Variants in IK observed in about 807,000 individuals in gnomAD.
IK encodes IK cytokine.
In IK, 47 loss-of-function variants were observed where a neutral mutation model predicts 90.9. The ratio of observed to expected loss-of-function variants is 0.52; its 90% CI spans 0.41 to 0.66. IK has a LOEUF of 0.66. Among genes scored for constraint, IK ranks in the 30% least tolerant of loss-of-function variants. The probability of loss-of-function intolerance (pLI) is 0.00; values close to 1 mark genes in which losing one functional copy is unlikely to be tolerated. For synonymous variants in IK, 201 were observed against 227.5 expected, an observed-to-expected ratio of 0.88 and a Z score of 1.05; for missense variants, 385 against 709.3, an observed-to-expected ratio of 0.54 and a Z score of 5.19.
chr5:140,650,081 C>G (rs188949653), intron 2 of IK, among the ~76,000 whole-genome samples: 2 of 152,118 alleles, frequency 1.3e-5, no homozygotes, highest in African/African-American at 4.8e-5. Context: ...AGGACTCATC[C>G]GTGGCCTGCT....
Position 140,661,558 on chromosome 5 carries a change from C to G in IK, c.1414-62C>G, listed in dbSNP as rs1040561601. 1.7e-5 allele frequency: 19 copies of G among 1,145,342 alleles called. No individual in the cohort carries two copies. In the African/African-American group the frequency reaches 2.9e-4, roughly 18 times the overall value. The allele number at this position is 1,145,342 out of a possible 1,614,324, so 70.9% of individuals were successfully genotyped here. A position where few individuals can be genotyped will look rare whatever the true frequency, so the allele number is the denominator to read the frequency against. ...GGGAGAGTCTGGCTTCAATCAAGGG[C>G]TGAAATTCCATTTCCACTGACATCT... On this transcript the variant is annotated intron_variant, in intron 16 of 19. Coordinates refer to ENST00000417647, the MANE Select transcript of IK (RefSeq NM_006083.4). The surrounding 1 kb of genome is among the most constrained non-coding windows in gnomAD (Gnocchi z 4.2).
chr5:140,652,727 T>A (rs1757636775), intron 4 of IK, among the ~76,000 whole-genome samples: 1 of 152,150 alleles, frequency 6.6e-6, no homozygotes. Flanking sequence ...TTGGGTGGTA[T>A]TAAAAAGTTC....
intron 4 of IK, among the ~76,000 whole-genome samples, chr5:140,652,576 G>A (rs1757633383): frequency 6.6e-6 from 1 of 152,118 alleles, no homozygotes; most frequent in Admixed American, 6.5e-5. Flanking sequence ...TCAGGACCTG[G>A]TACTTGGCTT....
At position 140,648,007 on chromosome 5, in the gene IK, GGTGT is replaced by G. The variant is rs762057029; in HGVS notation, c.16+118_16+121del. ...TATTGTAGCTTCTGAGCTTAAGCCGGGTGTGTGTGTGTGTGTGTGTGTGTGTGTG... is the reference window on the plus strand; with the variant it reads ...TATTGTAGCTTCTGAGCTTAAGCCGGGTGTGTGTGTGTGTGTGTGTGTGTG... On this transcript the variant is annotated intron_variant, in intron 1 of 19. Transcript: ENST00000417647. 2.2e-3 allele frequency: 2,040 copies of G among 930,514 alleles called. 3 individuals are homozygous for G. Among genetic ancestry groups the G allele is most frequent in the African/African-American group, 0.012 (693 of 57,230 alleles). 57.6% of individuals were successfully genotyped at this position (930,514 alleles called of 1,614,324 possible).
At chr5:140,656,432 G>T (rs187869974) in intron 9 of IK, among the ~76,000 whole-genome samples, 3 of 152,092 alleles carry the variant, frequency 2.0e-5, no homozygotes, top group Non-Finnish European at 4.4e-5. Context: ...TGATCCATCC[G>T]CCTTGGCCTC....
chr5:140,648,377 T>C, intron 1 of IK, 94 bp from the exon 2 acceptor site: 1 of 1,099,778 alleles, frequency 9.1e-7, no homozygotes, highest in Admixed American at 1.7e-5. Flanking sequence ...TGTTCTAACT[T>C]TTGTTCTGTA....
At position 140,660,289 on chromosome 5, in the gene IK, CTTCT is replaced by C. The variant is rs540918586; in HGVS notation, c.1355+97_1355+100del. 85 of 282,754 alleles carry C rather than the reference CTTCT, an allele frequency of 3.0e-4. 1 individual carries two copies. Among genetic ancestry groups the C allele is most frequent in the Non-Finnish European group, 4.1e-4 (67 of 162,210 alleles). 17.5% of individuals were successfully genotyped at this position (282,754 alleles called of 1,614,324 possible). A position where few individuals can be genotyped will look rare whatever the true frequency, so the allele number is the denominator to read the frequency against. On this transcript the variant is annotated intron_variant, in intron 15 of 19. Coordinates refer to ENST00000417647, the MANE Select transcript of IK (RefSeq NM_006083.4). The stretch of plus-strand genomic sequence containing the variant: ...TTTGATTCGCTAAGTCCCAGGGCTA[CTTCT>C]TTTTTTTTTTTTTTTTTTTTTGGAG...
intron 8 of IK, 80 bp from the exon 9 acceptor site, chr5:140,655,749 G>A: frequency 7.0e-7 from 1 of 1,427,252 alleles, no homozygotes. Context: ...ACTTGGCATG[G>A]TGGCTAGCAC....
At chr5:140,656,591 A>G (rs1561977291) in intron 9 of IK, among the ~76,000 whole-genome samples, 1 of 152,226 alleles carries the variant, frequency 6.6e-6, no homozygotes, top group Admixed American at 6.5e-5. Context: ...TGTTATTCAC[A>G]TGCCATATAA....
chr5:140,654,441 T>C (rs1757671515), intron 6 of IK, 75 bp from the exon 7 acceptor site: 1 of 1,099,376 alleles, frequency 9.1e-7, no homozygotes. Context: ...TCTTAGTTCC[T>C]GGTACAGTGT....
At chr5:140,649,479 T>C (rs1757576612) in intron 2 of IK, among the ~76,000 whole-genome samples, 1 of 151,978 alleles carries the variant, frequency 6.6e-6, no homozygotes, top group South Asian at 2.1e-4. Flanking sequence ...CCTCCTAAAG[T>C]GCTGGCATTA....
rs1375001517 is a variant in IK at position 140,652,166 on chromosome 5, G to A, written c.236+19G>A. On this transcript the variant is annotated intron_variant, in intron 4 of 19. Coordinates refer to ENST00000417647, the MANE Select transcript of IK (RefSeq NM_006083.4). The stretch of plus-strand genomic sequence containing the variant: ...AGAAAAGGTGAAGGAAGGGTGAAGG[G>A]TTTTAGATTTTAAGGTGGATAGTGT... The A allele has an allele frequency of 1.9e-6, 3 of 1,600,406 alleles. No homozygotes were observed. The highest frequency in any genetic ancestry group is 2.6e-6 in the Non-Finnish European group (3 of 1,167,672).
Position 140,655,950 on chromosome 5 carries a change from C to T in IK, c.759C>T (p.Pro253=). The T allele has an allele frequency of 6.4e-7, 1 of 1,559,328 alleles. No homozygotes were observed. The highest frequency in any genetic ancestry group is 1.4e-5 in the African/African-American group (1 of 73,714). The change falls in exon 9 of 20, where the codon CCC becomes CCT. Residue 253 remains proline, a synonymous_variant. Transcript: ENST00000417647. ...ATGAGTATGCTGACACAGATATCCC[C>T]ACCACTCTTATCCGCAGCAAGGCTG... is the stretch of plus-strand genomic sequence containing the variant. ...LDDEYADTDI[P]TTLIRSKADC...
At chr5:140,657,802 C>A in intron 10 of IK, 140 bp downstream of exon 10, 1 of 604,424 alleles carries the variant, frequency 1.7e-6, no homozygotes, top group Non-Finnish European at 3.0e-6. Context: ...GGAGCATTGG[C>A]AAGGAGACAG....
At chr5:140,660,292 C>CCTTTTTTTTTTTTTT (rs1757781333) in intron 15 of IK, 97 bp downstream of exon 15, 3 of 283,168 alleles carry the variant, frequency 1.1e-5, no homozygotes, top group Non-Finnish European at 1.9e-5. Flanking sequence ...AGGGCTACTT[C>CCTTTTTTTTTTTTTT]TTTTTTTTTT....
In IK at chr5:140,648,512, G is replaced by T. The variant is rs371475390; in HGVS notation, c.58G>T (p.Val20Leu). 23 of 1,614,006 alleles carry T rather than the reference G, an allele frequency of 1.4e-5. No homozygotes were observed. In the South Asian group the frequency reaches 2.5e-4, roughly 18 times the overall value. Residue 20 changes from valine (V) to leucine (L), a missense_variant, in exon 2 of 20, where the codon GTG (valine) becomes TTG (leucine). By Grantham distance (32) the Val-to-Leu change is conservative. Coordinates refer to ENST00000417647, the MANE Select transcript of IK (RefSeq NM_006083.4). ...SNPLAPDGHD[V>L]DDPHSFHQSK... ...CCCTTTGGCCCCCGATGGCCACGATGTGGATGATCCTCACTCCTTCCACCA... is the reference window on the plus strand; with the variant it reads ...CCCTTTGGCCCCCGATGGCCACGATTTGGATGATCCTCACTCCTTCCACCA...
chr5:140,659,953 G>T, intron 14 of IK, 119 bp downstream of exon 14: 1 of 946,230 alleles, frequency 1.1e-6, no homozygotes, highest in Non-Finnish European at 1.7e-6. Flanking sequence ...GCTGAATTTT[G>T]ACAGAATGAA....
chr5:140,656,257 A>G (rs898022604), intron 9 of IK, among the ~76,000 whole-genome samples: 4 of 152,190 alleles, frequency 2.6e-5, no homozygotes, highest in African/African-American at 9.7e-5. Flanking sequence ...CAGTGGTGCT[A>G]TCTTGGCTCA....
chr5:140,660,771 G>A lies in IK; in HGVS notation c.1369G>A (p.Ala457Thr). Residue 457 changes from alanine (A) to threonine (T), a missense_variant, in exon 16 of 20, where the codon GCT becomes ACT. By Grantham distance (58) the Ala-to-Thr change is moderately conservative (BLOSUM62 0). Coordinates refer to ENST00000417647, the MANE Select transcript of IK (RefSeq NM_006083.4). ...GCTTCTCCTTAGGATGGATGACATG[G>A]CTGTGGATAGTGATGAGGAGGTGGA... ...ECYPATMDDM[A>T]VDSDEEVDYS... The A allele has an allele frequency of 6.2e-7, 1 of 1,613,504 alleles. No homozygotes were observed.
Sources: gnomAD v4.1 joint callset for allele counts (sites outside exome capture counted in the v4.1 genomes callset) on GRCh38, gnomAD v4.1.1 for gene constraint, Gnocchi (gnomAD v3.1) non-coding constraint, MANE v1.5 for transcripts, NCBI Gene and HGNC (gene_info 2026-07-23, HGNC 2026-07-21) for gene names.